ANKRD62: variants seen among roughly 807,000 people sequenced by gnomAD.
The protein encoded by ANKRD62 is ankyrin repeat domain 62.
Under a neutral mutation model 98.8 loss-of-function variants are expected in ANKRD62, and 61 were observed. The observed-to-expected ratio is 0.62, with a 90% CI of 0.50 to 0.76. ANKRD62 has a LOEUF of 0.76. ANKRD62 is among the 30% of genes least tolerant of loss of function. ANKRD62 has a pLI of 0.00. For missense variants in ANKRD62, 933 were observed against 1,082.9 expected (o/e 0.86, Z 1.94); for synonymous variants, 341 against 367.9 (o/e 0.93, Z 0.84).
intron 6 of ANKRD62, chr18:12,102,874 G>A: frequency 1.5e-6 from 1 of 685,678 alleles, no homozygotes; most frequent in East Asian, 6.1e-5. Flanking sequence ...TGATGGTTTT[G>A]TTCATTTATA....
At chr18:12,138,844 T>C in the ANKRD62 span, among the ~76,000 whole-genome samples, 3 of 152,214 alleles carry the variant, frequency 2.0e-5, no homozygotes, top group African/African-American at 4.8e-5. Flanking sequence ...AAGTCTGTTT[T>C]ATCAGAGAGT....
chr18:12,149,780 T>TA, the ANKRD62 span, among the ~76,000 whole-genome samples: 2 of 129,518 alleles, frequency 1.5e-5, no homozygotes, highest in Non-Finnish European at 3.3e-5. Context: ...AGAAAAGAAG[T>TA]CTATTGACTG....
the ANKRD62 span, among the ~76,000 whole-genome samples, chr18:12,154,769 CACAGAAT>C: frequency 6.6e-6 from 1 of 152,128 alleles, no homozygotes. Flanking sequence ...ACATATACAC[CACAGAAT>C]ACTATGCAAC....
the ANKRD62 span, among the ~76,000 whole-genome samples, chr18:12,174,866 C>A: frequency 6.6e-6 from 1 of 152,204 alleles, no homozygotes; most frequent in Non-Finnish European, 1.5e-5. Flanking sequence ...GAATTCACTG[C>A]TCTGGGGGGT....
At chr18:12,117,542 T>C (rs935928157) in intron 10 of ANKRD62, among the ~76,000 whole-genome samples, 5 of 152,254 alleles carry the variant, frequency 3.3e-5, no homozygotes, top group Non-Finnish European at 7.3e-5. Context: ...TGTTGTTCTT[T>C]ATCTTCTGGA....
the ANKRD62 span, among the ~76,000 whole-genome samples, chr18:12,146,093 C>A: frequency 6.6e-6 from 1 of 152,108 alleles, no homozygotes; most frequent in Non-Finnish European, 1.5e-5. Flanking sequence ...TGCAGGCCAA[C>A]CTGCGGTAGA....
the ANKRD62 span, among the ~76,000 whole-genome samples, chr18:12,157,091 C>CTTTT: frequency 1.3e-5 from 2 of 152,154 alleles, no homozygotes; most frequent in Non-Finnish European, 2.9e-5. Context: ...ACTTTATAGG[C>CTTTT]AAACTTTTTT....
At position 12,125,854 on chromosome 18, in the gene ANKRD62, A is replaced by G; in HGVS notation, c.2033A>G (p.Gln678Arg). ...CGTCAGTCATCAAAAAGAGACCTAC[A>G]GCTTGCTTTCCAGAGCACAGTGAAT... ...DQRQSSKRDL[Q>R]LAFQSTVNEW... Residue 678 changes from glutamine to arginine, a missense_variant, in exon 13 of 14, where the codon CAG becomes CGG. Around this residue, in one of 3 missense-constraint regions of ANKRD62, gnomAD observed 362 missense variants for 434.5 expected, o/e 0.83. Coordinates refer to ENST00000587848, the MANE Select transcript of ANKRD62 (RefSeq NM_001277333.2). 1 of 1,548,056 alleles carries G rather than the reference A, an allele frequency of 6.5e-7. No homozygotes were observed. Among genetic ancestry groups the G allele is most frequent in the South Asian group, 1.2e-5 (1 of 84,090 alleles).
rs1909931211 is a variant in ANKRD62, at chr18:12,128,121, A to G, written c.*182A>G. On this transcript the variant is annotated 3_prime_UTR_variant, in exon 14 of 14. Coordinates refer to ENST00000587848, the MANE Select transcript of ANKRD62 (RefSeq NM_001277333.2). ...ACACTATTTCCCCTTATGAAAGTTGAGAATTACACATCATTTCTCACAGAA... is the reference window on the plus strand; with the variant it reads ...ACACTATTTCCCCTTATGAAAGTTGGGAATTACACATCATTTCTCACAGAA... 3.0e-6 allele frequency: 1 copy of G among 329,804 alleles called. No individual in the cohort carries two copies. The highest frequency in any genetic ancestry group is 5.3e-6 in the Non-Finnish European group (1 of 189,026). The allele number at this position is 329,804 out of a possible 1,614,324, so 20.4% of individuals were successfully genotyped here.
In ANKRD62 at chr18:12,119,221, CAT is replaced by C. The variant is rs1218520712; in HGVS notation, c.1241-3081_1241-3080del. Among the ~76,000 whole-genome samples the C allele has an allele frequency of 4.6e-5, 7 of 151,960 alleles. No homozygotes were observed. The East Asian group carries it at 1.2e-3, about 25-fold the overall frequency. Reference sequence around the variant, plus strand: ...TTTTTGTATCTGTACAGTCTGTAATCATGTGACATTACTCATTTCTGAAATTA... The same window carrying C: ...TTTTTGTATCTGTACAGTCTGTAATCGTGACATTACTCATTTCTGAAATTA... On this transcript the variant is annotated intron_variant, in intron 10 of 13. Transcript: ENST00000587848.
the ANKRD62 span, among the ~76,000 whole-genome samples, chr18:12,181,020 A>G: frequency 2.7e-5 from 4 of 149,464 alleles, no homozygotes; most frequent in East Asian, 6.3e-4. Context: ...ATTCCCACCT[A>G]TGAGTGAGAA....
the ANKRD62 span, among the ~76,000 whole-genome samples, chr18:12,136,373 T>G: frequency 6.6e-6 from 1 of 152,192 alleles, no homozygotes; most frequent in Admixed American, 6.5e-5. Flanking sequence ...GCATTATTTC[T>G]GAGAGCTCTG....
intron 10 of ANKRD62, among the ~76,000 whole-genome samples, chr18:12,118,574 A>T (rs960012165): frequency 6.7e-5 from 10 of 148,666 alleles, no homozygotes; most frequent in Non-Finnish European, 1.5e-4. Flanking sequence ...GTGTCATCGC[A>T]CTCCAGTCTC....
chr18:12,122,761 T>C (rs1909807417), intron 11 of ANKRD62, among the ~76,000 whole-genome samples: 1 of 152,200 alleles, frequency 6.6e-6, no homozygotes, highest in African/African-American at 2.4e-5. Context: ...TATGGAAATT[T>C]CATTATTTAA....
At chr18:12,132,671 G>T (rs1164258847), downstream of ANKRD62, among the ~76,000 whole-genome samples, 2 of 151,850 alleles carry the variant, frequency 1.3e-5, no homozygotes, top group African/African-American at 4.8e-5. Flanking sequence ...AGTTTGCTGA[G>T]GTTATTTTTT....
the ANKRD62 span, among the ~76,000 whole-genome samples, chr18:12,174,142 T>C: frequency 6.6e-6 from 1 of 152,226 alleles, no homozygotes; most frequent in East Asian, 1.9e-4. Context: ...GAGGCATAGA[T>C]TTGGTCTCTT....
the ANKRD62 span, among the ~76,000 whole-genome samples, chr18:12,146,139 C>A: frequency 6.6e-6 from 1 of 151,258 alleles, no homozygotes; most frequent in Non-Finnish European, 1.5e-5. Flanking sequence ...CAGCGCAGCA[C>A]GGCTGTTCTA....
At chr18:12,121,832 AG>A (rs1465148962) in intron 10 of ANKRD62, among the ~76,000 whole-genome samples, 3 of 152,208 alleles carry the variant, frequency 2.0e-5, no homozygotes, top group Non-Finnish European at 4.4e-5. Flanking sequence ...TCAGGTAAGG[AG>A]GAAAATCAGC....
intron 7 of ANKRD62, among the ~76,000 whole-genome samples, chr18:12,105,864 T>C (rs1349590722): frequency 6.6e-6 from 1 of 152,234 alleles, no homozygotes; most frequent in Non-Finnish European, 1.5e-5. Flanking sequence ...ACTTGTAAAC[T>C]AGGGTTAGCC....
Sources: allele counts gnomAD v4.1 joint callset (sites outside exome capture counted in the v4.1 genomes callset), GRCh38; gene constraint gnomAD v4.1.1; regional missense constraint gnomAD v4.1.1; transcripts MANE v1.5; gene names NCBI Gene and HGNC (gene_info 2026-07-23, HGNC 2026-07-21).